LRRC37B: variants seen among roughly 807,000 people sequenced by gnomAD.
LRRC37B encodes the protein leucine-rich repeat-containing protein 37B.
Under a neutral mutation model 98.3 loss-of-function variants are expected in LRRC37B, and 28 were observed. The observed-to-expected ratio is 0.28, with a 90% confidence interval of 0.21 to 0.39. The LOEUF is 0.39. Ranked by LOEUF, LRRC37B falls within the 10% of genes least tolerant of loss-of-function variation. The probability of loss-of-function intolerance (pLI) is 1.00; values close to 1 mark genes in which losing one functional copy is unlikely to be tolerated. For missense variants in LRRC37B, 938 were observed against 1,182.7 expected, an observed-to-expected ratio of 0.79 and a Z score of 3.03; for synonymous variants, 364 against 442.7, an observed-to-expected ratio of 0.82 and a Z score of 2.23.
chr17:32,026,952 A>T (rs1022083226), intron 2 of LRRC37B, among the ~76,000 whole-genome samples: 7 of 152,234 alleles, frequency 4.6e-5, no homozygotes, highest in Non-Finnish European at 1.5e-5. Context: ...ACACTTTGGG[A>T]GGCAGAGACA....
At chr17:32,015,383 A>G (rs1910627770) in intron 1 of LRRC37B, among the ~76,000 whole-genome samples, 1 of 152,238 alleles carries the variant, frequency 6.6e-6, no homozygotes, top group African/African-American at 2.4e-5. Context: ...CATGGTTTAT[A>G]GATGTGTAAT....
chr17:32,009,241 C>T (rs1244917187), intron 1 of LRRC37B, among the ~76,000 whole-genome samples: 1 of 151,778 alleles, frequency 6.6e-6, no homozygotes, highest in Non-Finnish European at 1.5e-5. Context: ...ATCTGTATAT[C>T]ATTGTTTCTG....
intron 1 of LRRC37B, among the ~76,000 whole-genome samples, chr17:32,012,614 G>T (rs578161446): frequency 6.6e-6 from 1 of 152,088 alleles, no homozygotes; most frequent in Non-Finnish European, 1.5e-5. Context: ...TACTTAGAAG[G>T]TTGAGGCAAG....
At chr17:32,017,457 G>A (rs1261279525), upstream of LRRC37B, among the ~76,000 whole-genome samples, 2 of 152,104 alleles carry the variant, frequency 1.3e-5, no homozygotes, top group Non-Finnish European at 2.9e-5. Context: ...TTATCTGTAA[G>A]ATCATAAAGT....
At chr17:32,018,403 T>A (rs1910692808), upstream of LRRC37B, among the ~76,000 whole-genome samples, 4 of 152,074 alleles carry the variant, frequency 2.6e-5, no homozygotes, top group Admixed American at 2.6e-4. Context: ...AGCAGCAGAA[T>A]TTGGAGGATA....
In LRRC37B at chr17:32,024,705, T is replaced by C. The variant is rs1276207482; in HGVS notation, c.1761-6T>C. ...ATTCAAGGATATAAACTGTCTTTCT[T>C]TGCAGAAATTTCCAAGGAAACTATA... is the stretch of plus-strand genomic sequence containing the variant. On this transcript the variant is annotated splice_polypyrimidine_tract_variant and splice_region_variant and intron_variant, in intron 1 of 11. Transcript: ENST00000327564. The C allele has an allele frequency of 1.2e-6, 2 of 1,607,012 alleles. No homozygotes were observed. Among genetic ancestry groups the C allele is most frequent in the African/African-American group, 2.7e-5 (2 of 74,766 alleles).
At chr17:32,031,239 T>C in intron 4 of LRRC37B, 139 bp from the exon 8 acceptor site, 1 of 1,359,618 alleles carries the variant, frequency 7.4e-7, no homozygotes, top group Non-Finnish European at 9.9e-7. Context: ...CATAAGCCAG[T>C]ATCTTCCACA....
At chr17:32,012,245 CA>C (rs1202895037) in intron 1 of LRRC37B, among the ~76,000 whole-genome samples, 4 of 152,312 alleles carry the variant, frequency 2.6e-5, no homozygotes, top group Non-Finnish European at 2.9e-5. Flanking sequence ...TTGAAGTCTA[CA>C]ACGATTGTTA....
At chr17:32,039,510 ATATATATATATATG>A (rs1444250646) in intron 7 of LRRC37B, among the ~76,000 whole-genome samples, 676 of 44,738 alleles carry the variant, frequency 0.015, 61 homozygotes, top group African/African-American at 0.054. Context: ...ATATATATAT[ATATATATATATATG>A]TATGTATTTT....
chr17:32,012,966 G>A (rs111274900), intron 1 of LRRC37B, among the ~76,000 whole-genome samples: 4 of 152,292 alleles, frequency 2.6e-5, no homozygotes, highest in African/African-American at 9.6e-5. Context: ...GTAGTGAGCC[G>A]AGATCGTGCC....
intron 7 of LRRC37B, among the ~76,000 whole-genome samples, chr17:32,043,742 A>T (rs1911506440): frequency 6.6e-6 from 1 of 152,170 alleles, no homozygotes; most frequent in Admixed American, 6.5e-5. Context: ...AACTTACTGG[A>T]TACAGTTTTA....
chr17:32,017,077 C>G (rs966086001), upstream of LRRC37B: 44 of 152,290 alleles, frequency 2.9e-4, no homozygotes, highest in African/African-American at 1.1e-3. Context: ...GGCTGTTTAC[C>G]TCTCCCTCTT....
At chr17:32,016,149 C>T (rs968364628), upstream of LRRC37B, among the ~76,000 whole-genome samples, 20 of 152,148 alleles carry the variant, frequency 1.3e-4, no homozygotes, top group African/African-American at 2.2e-4. Flanking sequence ...CATGTAGATC[C>T]TTCTTGTGTT....
chr17:32,047,717 T>C, intron 8 of LRRC37B, 44 bp from the exon 12 acceptor site: 8 of 1,613,688 alleles, frequency 5.0e-6, no homozygotes, highest in South Asian at 1.1e-5. Context: ...TGAAAGATGA[T>C]CAAAGATATT....
At chr17:32,046,747 A>T (rs8071755) in intron 8 of LRRC37B, among the ~76,000 whole-genome samples, 1 of 151,742 alleles carries the variant, frequency 6.6e-6, no homozygotes, top group Non-Finnish European at 1.5e-5. Context: ...TCTGTCCCCA[A>T]TTCTGGGTTC....
chr17:32,011,230 C>G lies in LRRC37B; in HGVS notation c.-191+3098C>G, dbSNP rs34986747. 4.2e-3 allele frequency among the ~76,000 whole-genome samples: 645 copies of G among 152,156 alleles called. 5 individuals carry two copies. Among genetic ancestry groups the G allele is most frequent in the Non-Finnish European group, 7.3e-3 (496 of 68,012 alleles). ...CAGTCAGTTCTCGAACCCCTGACCT[C>G]GTGATCCGCCTGCCTCAGCCTCCCA... On this transcript the variant is annotated intron_variant, in intron 1 of 14. Transcript: ENST00000543378.
At chr17:32,026,025 T>G (rs1298136109) in intron 2 of LRRC37B, among the ~76,000 whole-genome samples, 1 of 152,256 alleles carries the variant, frequency 6.6e-6, no homozygotes, top group Admixed American at 6.5e-5. Context: ...GTTTCTTCTC[T>G]GAGTTTTCTG....
chr17:32,027,591 G>A (rs1156631156), intron 2 of LRRC37B, among the ~76,000 whole-genome samples, 178 bp from the exon 6 acceptor site: 1 of 152,010 alleles, frequency 6.6e-6, no homozygotes, highest in Non-Finnish European at 1.5e-5. Flanking sequence ...GGTGGTGGTG[G>A]TGGAGAGGGA....
intron 7 of LRRC37B, among the ~76,000 whole-genome samples, chr17:32,037,400 G>T (rs1911278614): frequency 6.6e-6 from 1 of 150,826 alleles, no homozygotes; most frequent in African/African-American, 2.4e-5. Flanking sequence ...TGAGTAACTG[G>T]GATTATAGCC....
Sources: allele counts gnomAD v4.1 joint callset (sites outside exome capture counted in the v4.1 genomes callset), GRCh38; gene constraint gnomAD v4.1.1; transcripts MANE v1.5; gene names NCBI Gene and HGNC (gene_info 2026-07-23, HGNC 2026-07-21).